Variants in NEK4 observed in about 807,000 individuals in gnomAD.
The protein encoded by NEK4 is NIMA related kinase 4.
Under a neutral mutation model 98.4 loss-of-function variants are expected in NEK4, and 86 were observed. The observed-to-expected ratio is 0.87, with a 90% CI of 0.73 to 1.05. NEK4 has a LOEUF of 1.05. NEK4 is among the 50% of genes least tolerant of loss of function. The pLI is 0.00. For missense variants in NEK4, 898 were observed against 950.3 expected (o/e 0.94, Z 0.72); for synonymous variants, 328 against 342.2 (o/e 0.96, Z 0.46).
chr3:52,709,453 T>G lies in NEK4; in HGVS notation c.*2324A>C, dbSNP rs2097348169. ...CAGGTGTGGTGGTTCATGCCTATAA[T>G]CCCAGCACTTTCAGAGGCCGATGCA... On this transcript the variant is annotated 3_prime_UTR_variant, in exon 16 of 16. Coordinates refer to ENST00000233027, the MANE Select transcript of NEK4 (RefSeq NM_003157.6). The G allele has an allele frequency of 6.6e-6, 1 of 151,790 alleles. No homozygotes were observed. Among genetic ancestry groups the G allele is most frequent in the South Asian group, 2.1e-4 (1 of 4,814 alleles). The allele number at this position is 151,790 out of a possible 1,614,324, so 9.4% of individuals were successfully genotyped here.
intron 6 of NEK4, among the ~76,000 whole-genome samples, chr3:52,760,157 C>T (rs1300785601): frequency 6.6e-6 from 1 of 152,158 alleles, no homozygotes; most frequent in Non-Finnish European, 1.5e-5. Flanking sequence ...GGTTGCACTA[C>T]ACTGTGAATG....
intron 15 of NEK4, among the ~76,000 whole-genome samples, chr3:52,729,286 CTTTA>C (rs1369535793): frequency 6.6e-6 from 1 of 152,120 alleles, no homozygotes; most frequent in East Asian, 1.9e-4. Context: ...TACTCTTTCT[CTTTA>C]TTTCTCAGCT....
chr3:52,711,500 A>G lies in NEK4; in HGVS notation c.*277T>C. 1 of 264,736 alleles carries G rather than the reference A, an allele frequency of 3.8e-6. No individual in the cohort carries two copies. The highest frequency in any genetic ancestry group is 7.0e-6 in the Non-Finnish European group (1 of 142,422). 16.4% of individuals were successfully genotyped at this position (264,736 alleles called of 1,614,324 possible). On this transcript the variant is annotated 3_prime_UTR_variant, in exon 16 of 16. Coordinates refer to ENST00000233027, the MANE Select transcript of NEK4 (RefSeq NM_003157.6). ...TAAAAAAATAAAATTCTAAATATAAACTTGGTGGATTAAGGCTCAGTAAAC... is the reference window on the plus strand; with the variant it reads ...TAAAAAAATAAAATTCTAAATATAAGCTTGGTGGATTAAGGCTCAGTAAAC...
At chr3:52,763,018 A>G (rs1698416296) in intron 5 of NEK4, among the ~76,000 whole-genome samples, 3 of 152,212 alleles carry the variant, frequency 2.0e-5, no homozygotes. Context: ...TCTTATTATC[A>G]AGAATGGAAA....
rs752504984 is a variant in NEK4 at position 52,752,324 on chromosome 3, A to G, written c.976T>C (p.Cys326Arg). Residue 326 changes from cysteine to arginine, a missense_variant, in exon 7 of 16, where the codon TGT becomes CGT. Coordinates refer to ENST00000233027, the MANE Select transcript of NEK4 (RefSeq NM_003157.6). ...GCCCTGGGTTTCTCCTGGGACAAAC[A>G]TTTGCCTTCACCCTGAATGAAAAGA... ...SQTYIMGEGK[C>R]LSQEKPRASG... 2 of 1,612,912 alleles carry G rather than the reference A, an allele frequency of 1.2e-6. No individual in the cohort carries two copies. The highest frequency in any genetic ancestry group is 1.7e-6 in the Non-Finnish European group (2 of 1,179,118).
chr3:52,754,623 G>A (rs371888663), intron 6 of NEK4: 18 of 839,198 alleles, frequency 2.1e-5, no homozygotes, highest in Middle Eastern at 3.9e-4. Flanking sequence ...TGTACGTGTC[G>A]CCGGCCTGTC....
At chr3:52,752,927 T>TACACACACACACACACAC (rs1299044456) in intron 6 of NEK4, among the ~76,000 whole-genome samples, 12 of 45,644 alleles carry the variant, frequency 2.6e-4, no homozygotes, top group African/African-American at 7.7e-4. Context: ...AATATATATA[T>TACACACACACACACACAC]ATATATACAC....
At position 52,742,020 on chromosome 3, in the gene NEK4, C is replaced by T. The variant is rs370725959; in HGVS notation, c.2005-521G>A. Reference sequence around the variant, plus strand: ...GTCTCCAACTCTTGACCTCATGATCCGCCTGCCTCAGCCTCCCAAAGTGCC... The same window carrying T: ...GTCTCCAACTCTTGACCTCATGATCTGCCTGCCTCAGCCTCCCAAAGTGCC... On this transcript the variant is annotated intron_variant, in intron 12 of 15. Transcript: ENST00000233027. Among the ~76,000 whole-genome samples the T allele has an allele frequency of 7.8e-4, 119 of 152,064 alleles. No homozygotes were observed. In the South Asian group the frequency reaches 0.023, roughly 29 times the overall value.
rs1698444528 is a variant in NEK4, at chr3:52,763,740, ATCAG to A, written c.667-120_667-117del. 4.3e-6 allele frequency: 3 copies of A among 703,132 alleles called. No homozygotes were observed. In the African/African-American group the frequency reaches 5.3e-5, roughly 12 times the overall value. 43.6% of individuals were successfully genotyped at this position (703,132 alleles called of 1,614,324 possible). A position where few individuals can be genotyped will look rare whatever the true frequency, so the allele number is the denominator to read the frequency against. On this transcript the variant is annotated intron_variant, in intron 4 of 15. Transcript: ENST00000233027. ...CATATGTCCACATAAGCAGAAAACA[ATCAG>A]TATATTAGTCTACAGGAAGTGTACT...
intron 10 of NEK4, among the ~76,000 whole-genome samples, chr3:52,745,311 T>C (rs2097394155): frequency 6.6e-6 from 1 of 151,922 alleles, no homozygotes; most frequent in Non-Finnish European, 1.5e-5. Flanking sequence ...CCGGGTGCGG[T>C]GGTTCATACC....
chr3:52,733,520 A>C (rs2097371953), intron 15 of NEK4: 1 of 473,688 alleles, frequency 2.1e-6, no homozygotes, highest in African/African-American at 2.0e-5. Flanking sequence ...ACTGCAGAAA[A>C]ACCTTACACA....
chr3:52,765,130 C>G (rs1262719413), intron 4 of NEK4, among the ~76,000 whole-genome samples: 2 of 151,984 alleles, frequency 1.3e-5, no homozygotes, highest in South Asian at 2.1e-4. Context: ...GCGGGCGGAT[C>G]ACCTGAGGTA....
chr3:52,735,680 G>A (rs1484974217), intron 15 of NEK4, among the ~76,000 whole-genome samples: 1 of 152,186 alleles, frequency 6.6e-6, no homozygotes, highest in African/African-American at 2.4e-5. Flanking sequence ...ACTATGTAAA[G>A]TAAGCACACT....
At chr3:52,761,364 C>T (rs762930189) in intron 5 of NEK4, among the ~76,000 whole-genome samples, 8 of 152,146 alleles carry the variant, frequency 5.3e-5, no homozygotes, top group East Asian at 1.9e-4. Flanking sequence ...CTGCAACCTC[C>T]GCTGCCCAGG....
At chr3:52,740,950 C>T (rs1296795807) in intron 13 of NEK4, among the ~76,000 whole-genome samples, 7 of 150,990 alleles carry the variant, frequency 4.6e-5, no homozygotes. Flanking sequence ...GAAATAATGG[C>T]CAGGCGGGGC....
In NEK4 at chr3:52,737,676, G is replaced by T; in HGVS notation, c.2343C>A (p.Val781=). The T allele has an allele frequency of 1.2e-6, 2 of 1,613,862 alleles. No individual in the cohort carries two copies. Among genetic ancestry groups the T allele is most frequent in the South Asian group, 2.2e-5 (2 of 91,076 alleles). The change falls in exon 15 of 16, where the codon GTC becomes GTA. Residue 781 remains valine, a synonymous_variant. Coordinates refer to ENST00000233027, the MANE Select transcript of NEK4 (RefSeq NM_003157.6). ...GSEKIRRLVE[V]LRTDVIRGLG... ...GGCCACGAATTACATCAGTTCTCAA[G>T]ACTTCAACTAGTCTCCTGATCTTTT...
intron 6 of NEK4, 33 bp from the exon 7 acceptor site, chr3:52,752,369 C>G: frequency 1.9e-6 from 3 of 1,588,850 alleles, no homozygotes; most frequent in Non-Finnish European, 2.6e-6. Flanking sequence ...ATTATTATAG[C>G]ACTCCTCATA....
chr3:52,746,708 T>C (rs778393089), intron 9 of NEK4, 26 bp downstream of exon 9: 1 of 1,582,166 alleles, frequency 6.3e-7, no homozygotes, highest in Non-Finnish European at 8.6e-7. Context: ...AAAGTCCACC[T>C]CCCAAACCAA....
chr3:52,740,499 G>GA (rs1172014466), intron 13 of NEK4, among the ~76,000 whole-genome samples: 1 of 152,074 alleles, frequency 6.6e-6, no homozygotes, highest in Non-Finnish European at 1.5e-5. Flanking sequence ...ATGTGAAACA[G>GA]AAAAAAAGTA....
Sources: gnomAD v4.1 joint callset for allele counts (sites outside exome capture counted in the v4.1 genomes callset) on GRCh38, gnomAD v4.1.1 for gene constraint, MANE v1.5 for transcripts, NCBI Gene and HGNC (gene_info 2026-07-23, HGNC 2026-07-21) for gene names.